FIP1L1: variants seen among roughly 807,000 people sequenced by gnomAD.
The protein encoded by FIP1L1 is pre-mRNA 3'-end-processing factor FIP1.
Under a neutral mutation model 84.6 loss-of-function variants are expected in FIP1L1, and 21 were observed. The ratio of observed to expected loss-of-function variants is 0.25; its 90% CI spans 0.18 to 0.36. The LOEUF is 0.36. FIP1L1 is among the 10% of genes least tolerant of loss of function. FIP1L1 has a pLI of 1.00. For missense variants in FIP1L1, 526 were observed against 751.1 expected, an observed-to-expected ratio of 0.70 and a Z score of 3.50; for synonymous variants, 263 against 242.3, an observed-to-expected ratio of 1.09 and a Z score of -0.80.
At chr4:53,389,454 G>A (rs1167686299) in intron 5 of FIP1L1, among the ~76,000 whole-genome samples, 2 of 37,930 alleles carry the variant, frequency 5.3e-5, no homozygotes, top group African/African-American at 8.1e-5. Context: ...AACAAGTCAG[G>A]CTTTTTTTTT....
chr4:53,443,277 CAG>C (rs1244627276), intron 14 of FIP1L1, among the ~76,000 whole-genome samples: 8 of 152,072 alleles, frequency 5.3e-5, no homozygotes, highest in South Asian at 2.1e-4. Flanking sequence ...AGAAATCAAA[CAG>C]TGTTGCTAGG....
At position 53,377,803 on chromosome 4, in the gene FIP1L1, G is replaced by T; in HGVS notation, c.-36G>T. 1.3e-6 allele frequency: 2 copies of T among 1,521,672 alleles called. No individual in the cohort carries two copies. Among genetic ancestry groups the T allele is most frequent in the Middle Eastern group, 1.8e-4 (1 of 5,686 alleles). 94.3% of individuals were successfully genotyped at this position (1,521,672 alleles called of 1,614,324 possible). On this transcript the variant is annotated 5_prime_UTR_variant, in exon 1 of 18. Transcript: ENST00000337488. ...GCTGGGGAAGGGGTTGGAGGGGGCT[G>T]TTGATCGCCGCGTTTAAGTTGCGCT... is the stretch of plus-strand genomic sequence containing the variant.
chr4:53,417,898 T>C (rs1760557991), intron 11 of FIP1L1, among the ~76,000 whole-genome samples: 1 of 152,054 alleles, frequency 6.6e-6, no homozygotes, highest in Admixed American at 6.6e-5. Context: ...AGATTCCTGC[T>C]CTTGTAGTTA....
intron 11 of FIP1L1, among the ~76,000 whole-genome samples, chr4:53,416,888 C>T (rs753162571): frequency 1.3e-4 from 19 of 151,926 alleles, no homozygotes; most frequent in Non-Finnish European, 2.1e-4. Flanking sequence ...CACTTGAACC[C>T]GGGAGGTGGA....
chr4:53,406,507 G>A (rs942438488), intron 10 of FIP1L1, among the ~76,000 whole-genome samples: 14 of 152,272 alleles, frequency 9.2e-5, no homozygotes, highest in East Asian at 7.7e-4. Context: ...TTGGTATCAG[G>A]ATGATGCTGG....
intron 10 of FIP1L1, among the ~76,000 whole-genome samples, chr4:53,409,777 C>T (rs1211488930): frequency 8.5e-5 from 13 of 152,218 alleles, no homozygotes; most frequent in Non-Finnish European, 8.8e-5. Flanking sequence ...ACTCCGTGGG[C>T]GTAGGACCCT....
intron 12 of FIP1L1, 28 bp from the exon 13 acceptor site, chr4:53,427,999 T>C: frequency 6.6e-7 from 1 of 1,520,362 alleles, no homozygotes; most frequent in South Asian, 1.2e-5. Context: ...TTTATGCATC[T>C]GTTTAATTAA....
intron 12 of FIP1L1, among the ~76,000 whole-genome samples, chr4:53,426,188 CAT>C (rs1411402133): frequency 6.6e-6 from 1 of 151,842 alleles, no homozygotes; most frequent in Non-Finnish European, 1.5e-5. Context: ...TTGGTAGAAA[CAT>C]AGTACAGGTT....
At chr4:53,377,972 C>A in intron 1 of FIP1L1, 49 bp downstream of exon 1, 2 of 1,454,764 alleles carry the variant, frequency 1.4e-6, no homozygotes, top group Non-Finnish European at 1.8e-6. Flanking sequence ...GGCCTCCCCT[C>A]TTGGCCCTCA....
chr4:53,410,083 C>A (rs1428138060), intron 10 of FIP1L1, among the ~76,000 whole-genome samples: 2 of 152,224 alleles, frequency 1.3e-5, no homozygotes, highest in African/African-American at 4.8e-5. Context: ...TCTTCTGCGT[C>A]GCTCACGCTG....
Position 53,442,525 on chromosome 4 carries a change from C to G in FIP1L1, c.1175-128C>G, listed in dbSNP as rs1772394061. 5 of 630,846 alleles carry G rather than the reference C, an allele frequency of 7.9e-6. No individual in the cohort carries two copies. In the South Asian group the frequency reaches 1.0e-4, roughly 13 times the overall value. The allele number at this position is 630,846 out of a possible 1,614,324, so 39.1% of individuals were successfully genotyped here. ...AGTTTGAGCTCCATTTTTTTCTGTCCATTATTACAACATAGAGAAGCACAT... is the reference window on the plus strand; with the variant it reads ...AGTTTGAGCTCCATTTTTTTCTGTCGATTATTACAACATAGAGAAGCACAT... On this transcript the variant is annotated intron_variant, in intron 13 of 17. Coordinates refer to ENST00000337488, the MANE Select transcript of FIP1L1 (RefSeq NM_030917.4).
At chr4:53,420,061 G>T (rs371443196) in intron 11 of FIP1L1, among the ~76,000 whole-genome samples, 2 of 151,866 alleles carry the variant, frequency 1.3e-5, no homozygotes, top group Non-Finnish European at 2.9e-5. Flanking sequence ...AGCCGGGCGC[G>T]GTGGCGAGCG....
chr4:53,409,937 G>A (rs553140692), intron 10 of FIP1L1, among the ~76,000 whole-genome samples: 11 of 152,352 alleles, frequency 7.2e-5, no homozygotes, highest in East Asian at 5.8e-4. Context: ...GACCCCTTGC[G>A]CTTCCTGAGT....
chr4:53,413,455 C>T (rs1758072449), intron 10 of FIP1L1, among the ~76,000 whole-genome samples: 1 of 151,940 alleles, frequency 6.6e-6, no homozygotes, highest in African/African-American at 2.4e-5. Context: ...CATCATGTTT[C>T]TTTTACTTCC....
chr4:53,452,907 G>T lies in FIP1L1; in HGVS notation c.1286-13G>T. The T allele has an allele frequency of 3.7e-6, 6 of 1,610,202 alleles. No individual in the cohort carries two copies. The highest frequency in any genetic ancestry group is 5.1e-6 in the Non-Finnish European group (6 of 1,178,564). ...TACCATAACGTTTGTTTTTAATCGTGTTTTTTCTTTAGTTGCCTTTCCCCA... is the reference window on the plus strand; with the variant it reads ...TACCATAACGTTTGTTTTTAATCGTTTTTTTTCTTTAGTTGCCTTTCCCCA... On this transcript the variant is annotated splice_polypyrimidine_tract_variant and intron_variant, in intron 15 of 17. Transcript: ENST00000337488.
chr4:53,458,435 G>A (rs1720659389), intron 16 of FIP1L1: 1 of 351,028 alleles, frequency 2.8e-6, no homozygotes, highest in Non-Finnish European at 5.1e-6. Context: ...TTTAACATGT[G>A]TAATTATTAT....
chr4:53,393,395 A>C (rs1213513083), intron 9 of FIP1L1, among the ~76,000 whole-genome samples: 3 of 152,194 alleles, frequency 2.0e-5, no homozygotes, highest in Non-Finnish European at 2.9e-5. Context: ...AGATAACTTT[A>C]TTTACTTTTC....
chr4:53,387,030 A>G (rs757189020), intron 5 of FIP1L1, among the ~76,000 whole-genome samples: 1 of 152,198 alleles, frequency 6.6e-6, no homozygotes, highest in Non-Finnish European at 1.5e-5. Context: ...AGATAACTCT[A>G]GCATCAGTAG....
At chr4:53,403,144 G>T in intron 10 of FIP1L1, among the ~76,000 whole-genome samples, 1 of 152,174 alleles carries the variant, frequency 6.6e-6, no homozygotes, top group East Asian at 1.9e-4. Context: ...CAGCTGGAGT[G>T]AAGTGTGGGG....
Sources: gnomAD v4.1 joint callset for allele counts (sites outside exome capture counted in the v4.1 genomes callset) on GRCh38, gnomAD v4.1.1 for gene constraint, MANE v1.5 for transcripts, NCBI Gene and HGNC (gene_info 2026-07-23, HGNC 2026-07-21) for gene names.